DNAH10: variants seen among roughly 807,000 people sequenced by gnomAD.
The protein encoded by DNAH10 is dynein axonemal heavy chain 10.
A neutral mutation model predicts 506.6 loss-of-function variants in DNAH10; 348 were observed. The ratio of observed to expected loss-of-function variants is 0.69; its 90% CI spans 0.63 to 0.75. DNAH10 has a LOEUF of 0.75. DNAH10 is among the 30% of genes least tolerant of loss of function. DNAH10 has a pLI of 0.00. For synonymous variants in DNAH10, 2,059 were observed against 2,198.6 expected (o/e 0.94, Z 1.78); for missense variants, 5,179 against 5,787.1 (o/e 0.89, Z 3.41).
intron 45 of DNAH10, among the ~76,000 whole-genome samples, chr12:123,872,823 C>A (rs1439821830): frequency 1.3e-5 from 2 of 152,116 alleles, no homozygotes; most frequent in African/African-American, 4.8e-5. Context: ...CTAAAAATAG[C>A]AAAACAAAAA....
Position 123,832,963 on chromosome 12 carries a change from T to C in DNAH10, c.4546-151T>C. 3 of 628,842 alleles carry C rather than the reference T, an allele frequency of 4.8e-6. No homozygotes were observed. In the South Asian group the frequency reaches 5.9e-5, roughly 12 times the overall value. 39.0% of individuals were successfully genotyped at this position (628,842 alleles called of 1,614,324 possible). On this transcript the variant is annotated intron_variant, in intron 26 of 78. Transcript: ENST00000673944. ...GCGAATGCTTGATAAGTGGCAATTATTACCATGACAGAATCCCAACTTTTC... is the reference window on the plus strand; with the variant it reads ...GCGAATGCTTGATAAGTGGCAATTACTACCATGACAGAATCCCAACTTTTC...
intron 47 of DNAH10, 37 bp from the exon 48 acceptor site, chr12:123,877,699 A>AT: frequency 3.2e-6 from 5 of 1,557,210 alleles, no homozygotes; most frequent in Non-Finnish European, 4.3e-6. Flanking sequence ...ACTGAAGGAC[A>AT]TTTGTGTGTT....
Position 123,848,005 on chromosome 12 carries a change from A to G in DNAH10, c.5859A>G (p.Gly1953=). ...YLGGAPAGPA[G]TGKTETTKDL... Reference sequence around the variant, plus strand: ...GTGGGGCCCCCGCCGGCCCAGCAGGAACCGGCAAAACCGAGACCACCAAGG... The same window carrying G: ...GTGGGGCCCCCGCCGGCCCAGCAGGGACCGGCAAAACCGAGACCACCAAGG... The change falls in exon 33 of 79, where the codon GGA becomes GGG. Residue 1953 remains glycine (G), a synonymous_variant. Coordinates refer to ENST00000673944, the MANE Select transcript of DNAH10 (RefSeq NM_001372106.1). 6.2e-7 allele frequency: 1 copy of G among 1,613,972 alleles called. No individual in the cohort carries two copies. The highest frequency in any genetic ancestry group is 8.5e-7 in the Non-Finnish European group (1 of 1,179,850).
intron 34 of DNAH10, among the ~76,000 whole-genome samples, chr12:123,849,309 A>G (rs568541669): frequency 1.3e-5 from 2 of 152,384 alleles, no homozygotes; most frequent in South Asian, 4.1e-4. Flanking sequence ...CATAACAAGC[A>G]GGATTTGCAA....
intron 5 of DNAH10, among the ~76,000 whole-genome samples, chr12:123,780,243 T>G: frequency 6.7e-6 from 1 of 148,590 alleles, no homozygotes. Flanking sequence ...CTCGGCTCCC[T>G]GCAACCGCCG....
chr12:123,873,513 C>T, intron 45 of DNAH10, 45 bp from the exon 46 acceptor site: 1 of 1,567,300 alleles, frequency 6.4e-7, no homozygotes, highest in Non-Finnish European at 8.6e-7. Context: ...CTGCTGCTAC[C>T]CTGGGGAAAA....
chr12:123,830,822 A>G, intron 26 of DNAH10, 123 bp downstream of exon 26: 2 of 1,025,268 alleles, frequency 2.0e-6, no homozygotes, highest in Admixed American at 3.4e-5. Flanking sequence ...GTATGCCATT[A>G]CTCCCAGCTT....
rs1409871527 is a variant in DNAH10, at chr12:123,914,317, C to T, written c.10353-12C>T. On this transcript the variant is annotated splice_polypyrimidine_tract_variant and intron_variant, in intron 60 of 78. Transcript: ENST00000673944. ...GTAAACTCACGGCAGCCTCCCTCTCCTCCCGTGCCAGGTGGCTGAACGACC... is the reference window on the plus strand; with the variant it reads ...GTAAACTCACGGCAGCCTCCCTCTCTTCCCGTGCCAGGTGGCTGAACGACC... 5.6e-6 allele frequency: 9 copies of T among 1,608,448 alleles called. No homozygotes were observed. Among genetic ancestry groups the T allele is most frequent in the Non-Finnish European group, 6.8e-6 (8 of 1,176,826 alleles).
At position 123,933,221 on chromosome 12, in the gene DNAH10, C is replaced by T. The variant is rs548008041; in HGVS notation, c.13297-110C>T. The T allele has an allele frequency of 6.5e-4, 711 of 1,091,722 alleles. 2 individuals carry two copies. Among genetic ancestry groups the T allele is most frequent in the South Asian group, 6.3e-3 (231 of 36,648 alleles). 67.6% of individuals were successfully genotyped at this position (1,091,722 alleles called of 1,614,324 possible). A position where few individuals can be genotyped will look rare whatever the true frequency, so the allele number is the denominator to read the frequency against. On this transcript the variant is annotated intron_variant, in intron 76 of 78. Transcript: ENST00000673944. ...CCAGTTGTGCCAACGCCATCTTTTG[C>T]CACTTAGGTGAAATATGTCTTTTAT...
intron 52 of DNAH10, among the ~76,000 whole-genome samples, chr12:123,888,164 T>C (rs1952822287): frequency 6.6e-6 from 1 of 152,042 alleles, no homozygotes; most frequent in Non-Finnish European, 1.5e-5. Context: ...GTCATGATCA[T>C]GTTATGGCAC....
intron 19 of DNAH10, 24 bp downstream of exon 19, chr12:123,808,977 C>T: frequency 6.2e-7 from 1 of 1,613,264 alleles, no homozygotes; most frequent in Non-Finnish European, 8.5e-7. Flanking sequence ...TGCTTGTGTC[C>T]TTGCTCAGAC....
intron 57 of DNAH10, chr12:123,908,670 C>T (rs535807914): frequency 9.8e-5 from 41 of 418,746 alleles, no homozygotes; most frequent in South Asian, 6.9e-4. Context: ...CATCTGCGTT[C>T]TGGAGGAGCA....
At chr12:123,877,437 G>C (rs1451213519) in intron 47 of DNAH10, among the ~76,000 whole-genome samples, 1 of 152,094 alleles carries the variant, frequency 6.6e-6, no homozygotes, top group Non-Finnish European at 1.5e-5. Flanking sequence ...TCAGCCTCCT[G>C]AGTAGCAGGA....
intron 51 of DNAH10, among the ~76,000 whole-genome samples, chr12:123,885,080 G>T (rs1952672517): frequency 6.6e-6 from 1 of 152,144 alleles, no homozygotes; most frequent in Non-Finnish European, 1.5e-5. Flanking sequence ...ACTTACAATG[G>T]GTTTATCTGG....
chr12:123,766,923 T>G (rs76015768), intron 1 of DNAH10, among the ~76,000 whole-genome samples: 4 of 148,942 alleles, frequency 2.7e-5, no homozygotes, highest in Admixed American at 1.3e-4. Flanking sequence ...TTTTTTTTTT[T>G]GAGACAGAGC....
rs985332501 is a variant in DNAH10 at position 123,853,088 on chromosome 12, A to G, written c.6292-118A>G. On this transcript the variant is annotated intron_variant, in intron 35 of 78. Transcript: ENST00000673944. This position sits in a 1 kb window ranked among gnomAD's most constrained non-coding sequence, Gnocchi z 4.7. ...TTAGAGATGGAATTTGCTTATTTGT[A>G]GAGCAGCTGCACTGGAACACCTGCC... 3 of 1,118,528 alleles carry G rather than the reference A, an allele frequency of 2.7e-6. No homozygotes were observed. Among genetic ancestry groups the G allele is most frequent in the African/African-American group, 3.1e-5 (2 of 64,080 alleles). The allele number at this position is 1,118,528 out of a possible 1,614,324, so 69.3% of individuals were successfully genotyped here.
intron 21 of DNAH10, among the ~76,000 whole-genome samples, chr12:123,817,835 G>A (rs1034985299): frequency 6.6e-6 from 1 of 152,124 alleles, no homozygotes; most frequent in Non-Finnish European, 1.5e-5. Context: ...CACCATAACT[G>A]GGTACATTAG....
At chr12:123,771,727 G>A (rs755602977) in intron 3 of DNAH10, 29 bp downstream of exon 3, 10 of 1,557,278 alleles carry the variant, frequency 6.4e-6, no homozygotes, top group Non-Finnish European at 8.8e-6. Context: ...CCTTGTTGGT[G>A]GGGTAATGGG....
chr12:123,900,652 C>T lies in DNAH10; in HGVS notation c.9640+1838C>T, dbSNP rs192041997. Among the ~76,000 whole-genome samples the T allele has an allele frequency of 1.1e-3, 166 of 152,344 alleles. 1 individual carries two copies. The highest frequency in any genetic ancestry group is 3.9e-3 in the African/African-American group (161 of 41,576). On this transcript the variant is annotated intron_variant, in intron 56 of 78. Coordinates refer to ENST00000673944, the MANE Select transcript of DNAH10 (RefSeq NM_001372106.1). ...TTTCCAGGGTTGCAAATGGTAGAAACTGAGCTCAAAGTGGCTTAATCCAAA... is the reference window on the plus strand; with the variant it reads ...TTTCCAGGGTTGCAAATGGTAGAAATTGAGCTCAAAGTGGCTTAATCCAAA...
Sources: allele counts gnomAD v4.1 joint callset (sites outside exome capture counted in the v4.1 genomes callset), GRCh38; gene constraint gnomAD v4.1.1; non-coding constraint Gnocchi (gnomAD v3.1); transcripts MANE v1.5; gene names NCBI Gene and HGNC (gene_info 2026-07-23, HGNC 2026-07-21).